CHD1L: variants seen among roughly 807,000 people sequenced by gnomAD.
CHD1L encodes the protein chromodomain helicase DNA binding protein 1 like, also known as ATP-dependent chromatin remodeler CHD1L.
A neutral mutation model predicts 115.9 loss-of-function variants in CHD1L; 118 were observed. The ratio of observed to expected loss-of-function variants is 1.02; its 90% CI spans 0.88 to 1.19. CHD1L has a LOEUF of 1.19. Ranked by LOEUF, CHD1L falls within the 50% of genes most tolerant of loss-of-function variation. CHD1L has a pLI of 0.00. For synonymous variants in CHD1L, 411 were observed against 387.1 expected (o/e 1.06, Z -0.72); for missense variants, 1,179 against 1,065.3 (o/e 1.11, Z -1.49).
At chr1:147,214,356 C>T in the CHD1L span, among the ~76,000 whole-genome samples, 5 of 151,648 alleles carry the variant, frequency 3.3e-5, no homozygotes, top group South Asian at 4.2e-4. Flanking sequence ...GAGGCTGAGG[C>T]GGGAGAATTG....
chr1:147,178,056 C>T, the CHD1L span: 4 of 924,168 alleles, frequency 4.3e-6, no homozygotes, highest in South Asian at 1.8e-5. Flanking sequence ...CGCGCCCGAC[C>T]GCCGCAGTCC....
the CHD1L span, among the ~76,000 whole-genome samples, chr1:147,219,633 T>C: frequency 6.6e-6 from 1 of 151,546 alleles, no homozygotes; most frequent in African/African-American, 2.4e-5. Flanking sequence ...TCTTAGCTAG[T>C]ACAATAATAG....
At chr1:147,204,873 T>C in the CHD1L span, 2 of 1,592,388 alleles carry the variant, frequency 1.3e-6, no homozygotes, top group South Asian at 1.1e-5. Flanking sequence ...CTGAAAAGTG[T>C]TTCGCTCCCT....
the CHD1L span, chr1:147,186,810 A>G: frequency 6.6e-7 from 1 of 1,512,924 alleles, no homozygotes; most frequent in Non-Finnish European, 8.8e-7. Context: ...ATTTCTGGGC[A>G]ATATGAAACT....
chr1:147,293,781 A>G, intron 21 of CHD1L, 59 bp downstream of exon 21: 2 of 1,379,906 alleles, frequency 1.4e-6, no homozygotes, highest in South Asian at 1.2e-5. Flanking sequence ...ATGTGATACG[A>G]CTTTTGAAGG....
chr1:147,187,316 T>A, the CHD1L span: 1 of 1,132,300 alleles, frequency 8.8e-7, no homozygotes, highest in Non-Finnish European at 1.3e-6. Flanking sequence ...TACTGCCTTC[T>A]GAGTGCCTGC....
chr1:147,179,704 A>G, the CHD1L span: 1 of 781,976 alleles, frequency 1.3e-6, no homozygotes, highest in Non-Finnish European at 2.2e-6. Context: ...ACTAGGACCC[A>G]TATGGGAATT....
the CHD1L span, chr1:147,176,122 A>G: frequency 6.6e-6 from 1 of 152,190 alleles, no homozygotes; most frequent in African/African-American, 2.4e-5. Flanking sequence ...AAAAACTATT[A>G]ATAAAATCAG....
At chr1:147,214,511 C>A in the CHD1L span, among the ~76,000 whole-genome samples, 1 of 151,646 alleles carries the variant, frequency 6.6e-6, no homozygotes, top group Non-Finnish European at 1.5e-5. Context: ...CACTAGCAAT[C>A]CAGCACTATT....
chr1:147,225,391 G>A, the CHD1L span: 1 of 216,748 alleles, frequency 4.6e-6, no homozygotes, highest in Non-Finnish European at 9.4e-6. Flanking sequence ...CAAACAGCGA[G>A]AGCCAACGGG....
chr1:147,280,417 A>G (rs587625346), intron 15 of CHD1L, among the ~76,000 whole-genome samples: 2 of 152,348 alleles, frequency 1.3e-5, no homozygotes, highest in African/African-American at 4.8e-5. Flanking sequence ...CCAAAATCAT[A>G]GTATTAATGT....
At chr1:147,274,752 G>A (rs1342995461) in intron 12 of CHD1L, among the ~76,000 whole-genome samples, 4 of 152,190 alleles carry the variant, frequency 2.6e-5, no homozygotes, top group South Asian at 2.1e-4. Flanking sequence ...TTGTCTTGCC[G>A]TTGGTTTTGT....
At chr1:147,182,172 T>C in the CHD1L span, among the ~76,000 whole-genome samples, 1 of 152,220 alleles carries the variant, frequency 6.6e-6, no homozygotes, top group African/African-American at 2.4e-5. Context: ...TGCCTCTCTG[T>C]ATAAAGACAC....
At chr1:147,194,850 G>C in the CHD1L span, among the ~76,000 whole-genome samples, 6 of 152,022 alleles carry the variant, frequency 3.9e-5, 1 homozygote, top group African/African-American at 1.5e-4. Context: ...CTCTCTTCTG[G>C]CTTGTAGAGT....
the CHD1L span, chr1:147,178,509 A>G: frequency 1.2e-5 from 19 of 1,611,206 alleles, no homozygotes; most frequent in South Asian, 1.3e-4. Context: ...AGAAGCAGGC[A>G]GGCCCAGCTT....
chr1:147,233,488 C>T, the CHD1L span, among the ~76,000 whole-genome samples: 7 of 148,730 alleles, frequency 4.7e-5, no homozygotes, highest in Admixed American at 2.0e-4. Context: ...GTCAGCCCCC[C>T]GCCCGGCCAG....
intron 22 of CHD1L, among the ~76,000 whole-genome samples, chr1:147,294,801 T>G (rs1686946779): frequency 6.6e-6 from 1 of 152,226 alleles, no homozygotes; most frequent in African/African-American, 2.4e-5. Context: ...GGTAACATAT[T>G]GAGTCTGTCA....
the CHD1L span, among the ~76,000 whole-genome samples, chr1:147,198,872 AAAAG>A: frequency 2.1e-5 from 3 of 144,594 alleles, no homozygotes; most frequent in African/African-American, 5.3e-5. Flanking sequence ...AAAAAAAAAA[AAAAG>A]AAAGAAAGAT....
At position 147,270,930 on chromosome 1, in the gene CHD1L, A is replaced by G. The variant is rs782774593; in HGVS notation, c.1086-2A>G. ...AGTGTTTCCTTTTCTTTTTCTTGCC[A>G]GGGGCCATCGGGTTTTACTTTTCTC... On this transcript the variant is annotated splice_acceptor_variant, in intron 10 of 22. Transcript: ENST00000369258. LOFTEE classifies it high-confidence loss of function. The G allele has an allele frequency of 1.9e-6, 3 of 1,613,874 alleles. No individual in the cohort carries two copies. The highest frequency in any genetic ancestry group is 2.5e-6 in the Non-Finnish European group (3 of 1,179,840).
Sources: gnomAD v4.1 joint callset for allele counts (sites outside exome capture counted in the v4.1 genomes callset) on GRCh38, gnomAD v4.1.1 for gene constraint, MANE v1.5 for transcripts, NCBI Gene and HGNC (gene_info 2026-07-23, HGNC 2026-07-21) for gene names.